Variants in CTNND2 observed in about 807,000 individuals in gnomAD.
CTNND2 encodes the protein catenin delta 2.
CTNND2 carries 22 observed loss-of-function variants against 144.4 expected under a neutral mutation model. The observed-to-expected ratio is 0.15, with a 90% CI of 0.11 to 0.22. The LOEUF (loss-of-function observed/expected upper bound fraction) is 0.22. Among genes scored for constraint, CTNND2 ranks in the 10% least tolerant of loss-of-function variants. The pLI, the probability that CTNND2 is intolerant of heterozygous loss-of-function variation, is 1.00. For synonymous variants in CTNND2, 751 were observed against 695.6 expected (o/e 1.08, Z -1.25); for missense variants, 1,353 against 1,618.8 (o/e 0.84, Z 2.82).
intron 8 of CTNND2, among the ~76,000 whole-genome samples, chr5:11,357,956 C>T (rs1038805541): frequency 3.3e-5 from 5 of 152,066 alleles, no homozygotes; most frequent in East Asian, 1.9e-4. Flanking sequence ...TTCCATAGTG[C>T]TGTATCTTCG....
chr5:11,591,915 A>G (rs1779261567), intron 2 of CTNND2, among the ~76,000 whole-genome samples: 1 of 151,770 alleles, frequency 6.6e-6, no homozygotes, highest in Non-Finnish European at 1.5e-5. Flanking sequence ...TGGGGAGGGG[A>G]GCAATTCTAA....
chr5:11,744,296 C>T (rs192522355), intron 1 of CTNND2, among the ~76,000 whole-genome samples: 87 of 152,292 alleles, frequency 5.7e-4, no homozygotes, highest in South Asian at 1.2e-3. Context: ...GAGCTCTGCC[C>T]CAGGCAAGCT....
intron 1 of CTNND2, among the ~76,000 whole-genome samples, chr5:11,880,516 C>CTA (rs79214728): frequency 0.29 from 42,013 of 145,470 alleles, 6,609 homozygotes; most frequent in South Asian, 0.47. Context: ...ACTACTACTA[C>CTA]CACTACTACT....
At chr5:11,459,664 C>T (rs987114941) in intron 3 of CTNND2, among the ~76,000 whole-genome samples, 2 of 152,060 alleles carry the variant, frequency 1.3e-5, no homozygotes, top group African/African-American at 4.8e-5. Flanking sequence ...CCATGAATTC[C>T]AAAAACCTGC....
chr5:11,174,478 T>G (rs1760262407), intron 11 of CTNND2, among the ~76,000 whole-genome samples: 1 of 152,210 alleles, frequency 6.6e-6, no homozygotes, highest in Non-Finnish European at 1.5e-5. Flanking sequence ...TACTCTTGAA[T>G]GTCAGTGGAA....
In CTNND2 at chr5:11,022,810, G is replaced by A. The variant is rs1742413142; in HGVS notation, c.2958C>T (p.Gly986=). ...TGGAGATGCCGACCAACTTCTCGATGCCACCGGCATCCCGTAAGGCCTTGG... is the reference window on the plus strand; with the variant it reads ...TGGAGATGCCGACCAACTTCTCGATACCACCGGCATCCCGTAAGGCCTTGG... ...ENAKALRDAG[G]IEKLVGISKS... Residue 986 remains glycine (G), a synonymous_variant, in exon 17 of 22, where the codon GGC becomes GGT. Transcript: ENST00000304623. 4.3e-6 allele frequency: 7 copies of A among 1,614,054 alleles called. No homozygotes were observed. The highest frequency in any genetic ancestry group is 5.9e-6 in the Non-Finnish European group (7 of 1,180,026).
chr5:11,828,466 G>A (rs1793716781), intron 1 of CTNND2, among the ~76,000 whole-genome samples: 1 of 152,094 alleles, frequency 6.6e-6, no homozygotes, highest in Non-Finnish European at 1.5e-5. Flanking sequence ...GGAGGCAGAG[G>A]TGACAGTGAG....
intron 2 of CTNND2, among the ~76,000 whole-genome samples, chr5:11,700,748 G>T (rs915653516): frequency 6.6e-6 from 1 of 152,142 alleles, no homozygotes; most frequent in Non-Finnish European, 1.5e-5. Flanking sequence ...CTGAAAAAAA[G>T]TAACAGTGCC....
chr5:11,371,024 G>C (rs1168557527), intron 7 of CTNND2, among the ~76,000 whole-genome samples: 2 of 152,214 alleles, frequency 1.3e-5, no homozygotes, highest in East Asian at 3.8e-4. Context: ...AAGGGCAAAA[G>C]GGAACTTCTA....
intron 2 of CTNND2, among the ~76,000 whole-genome samples, chr5:11,634,400 C>T (rs1781574657): frequency 6.6e-6 from 1 of 152,134 alleles, no homozygotes; most frequent in South Asian, 2.1e-4. Context: ...AAAATACCTT[C>T]TGCTCCACGG....
chr5:11,251,161 G>A lies in CTNND2; in HGVS notation c.1629-14338C>T, dbSNP rs534744110. Among the ~76,000 whole-genome samples, 40 of 152,034 alleles carry A rather than the reference G, an allele frequency of 2.6e-4. No homozygotes were observed. The South Asian group carries it at 6.2e-3, about 24-fold the overall frequency. On this transcript the variant is annotated intron_variant, in intron 9 of 21. Coordinates refer to ENST00000304623, the MANE Select transcript of CTNND2 (RefSeq NM_001332.4). ...ACACAATTATTGGCCGGAGTGTTTCGGCTGCTTGACTTTATAGAACTTGAG... is the reference window on the plus strand; with the variant it reads ...ACACAATTATTGGCCGGAGTGTTTCAGCTGCTTGACTTTATAGAACTTGAG...
At position 11,296,091 on chromosome 5, in the gene CTNND2, A is replaced by AAGG. The variant is rs1561171421; in HGVS notation, c.1628+50280_1628+50281insCCT. Among the ~76,000 whole-genome samples the AAGG allele has an allele frequency of 9.5e-5, 13 of 136,984 alleles. 1 individual carries two copies. Among genetic ancestry groups the AAGG allele is most frequent in the South Asian group, 2.4e-4 (1 of 4,186 alleles). The allele number at this position is 136,984 out of a possible 152,430, so 89.9% of individuals were successfully genotyped here. A position where few individuals can be genotyped will look rare whatever the true frequency, so the allele number is the denominator to read the frequency against. On this transcript the variant is annotated intron_variant, in intron 9 of 21. Transcript: ENST00000304623. ...ATTTTTGCAATCTACTCATCTGACA[A>AAGG]GTACTAATATCCAGAATCTACAATG...
chr5:11,384,517 A>T lies in CTNND2; in HGVS notation c.1177+148T>A. ...TGTAGGGAAGATACTGACTTGTTCC[A>T]GGAAAGCCCTGGCGTTCTCTGTCTC... is the stretch of plus-strand genomic sequence containing the variant. On this transcript the variant is annotated intron_variant, in intron 7 of 21. Transcript: ENST00000304623. The surrounding 1 kb of genome is among the most constrained non-coding windows in gnomAD (Gnocchi z 5.2). The T allele has an allele frequency of 1.5e-6, 1 of 674,778 alleles. No individual in the cohort carries two copies. Among genetic ancestry groups the T allele is most frequent in the Non-Finnish European group, 2.5e-6 (1 of 406,160 alleles). The allele number at this position is 674,778 out of a possible 1,614,324, so 41.8% of individuals were successfully genotyped here.
intron 14 of CTNND2, among the ~76,000 whole-genome samples, chr5:11,102,689 T>C (rs111923408): frequency 5.3e-5 from 8 of 152,268 alleles, no homozygotes; most frequent in African/African-American, 1.9e-4. Context: ...AAGAAGGTAA[T>C]GCTCAAAAAT....
At chr5:11,084,706 T>C (rs1749950927) in intron 15 of CTNND2, among the ~76,000 whole-genome samples, 1 of 152,090 alleles carries the variant, frequency 6.6e-6, no homozygotes, top group South Asian at 2.1e-4. Context: ...CCATACCACT[T>C]CTTTGCAGGC....
intron 16 of CTNND2, among the ~76,000 whole-genome samples, chr5:11,034,949 G>A (rs1035141390): frequency 6.6e-6 from 1 of 151,366 alleles, no homozygotes; most frequent in African/African-American, 2.4e-5. Context: ...GTATACATGT[G>A]CCATGCTGGT....
intron 3 of CTNND2, among the ~76,000 whole-genome samples, chr5:11,475,584 G>A (rs912381193): frequency 2.6e-5 from 4 of 152,176 alleles, no homozygotes; most frequent in Non-Finnish European, 4.4e-5. Context: ...ATTGCCCAGT[G>A]TTAGTGAAGT....
intron 3 of CTNND2, among the ~76,000 whole-genome samples, chr5:11,535,882 AT>A (rs1252464416): frequency 6.6e-6 from 1 of 152,068 alleles, no homozygotes; most frequent in African/African-American, 2.4e-5. Flanking sequence ...TTGACTTTCC[AT>A]TTTTCCAACT....
At chr5:11,222,173 CG>C (rs1347656424) in intron 10 of CTNND2, among the ~76,000 whole-genome samples, 13 of 151,752 alleles carry the variant, frequency 8.6e-5, no homozygotes, top group African/African-American at 2.9e-4. Context: ...GGTGGAGAGG[CG>C]GGGGGAAGAT....
Sources: allele counts gnomAD v4.1 joint callset (sites outside exome capture counted in the v4.1 genomes callset), GRCh38; gene constraint gnomAD v4.1.1; non-coding constraint Gnocchi (gnomAD v3.1); transcripts MANE v1.5; gene names NCBI Gene and HGNC (gene_info 2026-07-23, HGNC 2026-07-21).